The following SGO2 variants were observed in gnomAD, a reference collection of about 807,000 sequenced individuals.
SGO2 encodes the protein shugoshin-like 2.
SGO2 carries 68 observed loss-of-function variants against 99.5 expected under a neutral mutation model. The ratio of observed to expected loss-of-function variants is 0.68; its 90% confidence interval spans 0.56 to 0.84. The LOEUF is 0.84. Ranked by LOEUF, SGO2 falls within the 40% of genes least tolerant of loss-of-function variation. SGO2 has a pLI of 0.00. For synonymous variants in SGO2, 457 were observed against 487.1 expected, an observed-to-expected ratio of 0.94 and a Z score of 0.81; for missense variants, 1,350 against 1,436.7, an observed-to-expected ratio of 0.94 and a Z score of 0.97.
At position 200,542,632 on chromosome 2, in the gene SGO2, A is replaced by T. The variant is rs1436045771; in HGVS notation, c.441A>T (p.Lys147Asn). 2 of 1,613,096 alleles carry T rather than the reference A, an allele frequency of 1.2e-6. No individual in the cohort carries two copies. The highest frequency in any genetic ancestry group is 1.6e-4 in the Middle Eastern group (1 of 6,080). The change falls in exon 5 of 9, where the codon AAA becomes AAT. Residue 147 changes from lysine to asparagine, a missense_variant. By Grantham distance (94) the Lys-to-Asn change is moderately conservative. Transcript: ENST00000357799. ...LSASKKKRIS[K>N]QCKLMRLPFA... ...CTAGCAAGAAGAAACGAATTAGTAA[A>T]CAGTGCAAGTTGATGCGTCTTCCAT...
At chr2:200,531,615 A>G (rs1027829712) in intron 1 of SGO2, among the ~76,000 whole-genome samples, 5 of 152,218 alleles carry the variant, frequency 3.3e-5, no homozygotes, top group Admixed American at 1.3e-4. Context: ...AGAGGACCTC[A>G]TGAGTCTGGC....
intron 4 of SGO2, among the ~76,000 whole-genome samples, chr2:200,538,737 A>G (rs1437885687): frequency 2.6e-5 from 4 of 152,208 alleles, no homozygotes; most frequent in Non-Finnish European, 4.4e-5. Flanking sequence ...AAATAATGCT[A>G]AGTAATGTAA....
At chr2:200,579,064 CA>C (rs2033755623) in intron 8 of SGO2, among the ~76,000 whole-genome samples, 1 of 152,140 alleles carries the variant, frequency 6.6e-6, no homozygotes, top group South Asian at 2.1e-4. Context: ...AAAATGTCTC[CA>C]TATGTTGCAA....
chr2:200,527,379 C>T (rs988222078), intron 1 of SGO2, among the ~76,000 whole-genome samples: 1 of 152,136 alleles, frequency 6.6e-6, no homozygotes, highest in African/African-American at 2.4e-5. Flanking sequence ...GTTAGGATCC[C>T]TTTCAGGTGT....
intron 5 of SGO2, among the ~76,000 whole-genome samples, chr2:200,566,738 G>A (rs753688002): frequency 2.6e-5 from 4 of 152,136 alleles, no homozygotes; most frequent in Admixed American, 6.5e-5. Flanking sequence ...CTTCCTAGCC[G>A]CTTTGTTTAC....
At position 200,572,434 on chromosome 2, in the gene SGO2, C is replaced by T. The variant is rs770710603; in HGVS notation, c.2088C>T (p.Thr696=). The change falls in exon 7 of 9, where the codon ACC becomes ACT. Residue 696 remains threonine, a synonymous_variant. Transcript: ENST00000357799. ...TGTTGGGTTTGCAAAAGCAGATCACCAATATGTACCCCGTTCAGCAAAATG... is the reference window on the plus strand; with the variant it reads ...TGTTGGGTTTGCAAAAGCAGATCACTAATATGTACCCCGTTCAGCAAAATG... ...QNVLGLQKQI[T]NMYPVQQNES... is the part of the protein sequence containing the mutation. 1 of 1,613,342 alleles carries T rather than the reference C, an allele frequency of 6.2e-7. No individual in the cohort carries two copies. The highest frequency in any genetic ancestry group is 8.5e-7 in the Non-Finnish European group (1 of 1,179,554).
At position 200,577,787 on chromosome 2, in the gene SGO2, G is replaced by T. The variant is rs369959178; in HGVS notation, c.3782+2326G>T. On this transcript the variant is annotated intron_variant, in intron 8 of 8. Coordinates refer to ENST00000357799, the MANE Select transcript of SGO2 (RefSeq NM_152524.6). ...GATATTTTCTCATGATTGCAATGCA[G>T]TTGTGCTTTTTTGGCAAATATTTCA... Among the ~76,000 whole-genome samples the T allele has an allele frequency of 9.7e-4, 147 of 151,890 alleles. 1 individual carries two copies. Among genetic ancestry groups the T allele is most frequent in the African/African-American group, 3.5e-3 (144 of 41,408 alleles).
intron 5 of SGO2, among the ~76,000 whole-genome samples, chr2:200,561,028 T>C (rs537493750): frequency 1.2e-4 from 18 of 152,326 alleles, no homozygotes; most frequent in Admixed American, 2.6e-4. Flanking sequence ...AAGTTACTTA[T>C]ACTATGCTTT....
intron 1 of SGO2, among the ~76,000 whole-genome samples, chr2:200,530,953 A>G (rs1235320403): frequency 6.6e-6 from 1 of 152,234 alleles, no homozygotes; most frequent in African/African-American, 2.4e-5. Flanking sequence ...AAAGATCTGC[A>G]GAGAATTGGA....
At chr2:200,565,864 A>T (rs1312251897) in intron 5 of SGO2, among the ~76,000 whole-genome samples, 4 of 152,158 alleles carry the variant, frequency 2.6e-5, no homozygotes, top group Non-Finnish European at 5.9e-5. Flanking sequence ...TCAGCTACTG[A>T]AGCTTGTGCA....
chr2:200,575,453 C>A lies in SGO2; in HGVS notation c.3774C>A (p.Ser1258Arg). The A allele has an allele frequency of 6.3e-7, 1 of 1,576,344 alleles. No homozygotes were observed. The highest frequency in any genetic ancestry group is 8.6e-7 in the Non-Finnish European group (1 of 1,158,276). The change falls in exon 8 of 9, where the codon AGC (serine) becomes AGA (arginine). Residue 1258 changes from serine (S) to arginine (R), a missense_variant. By Grantham distance (110) the Ser-to-Arg change is moderately radical. Transcript: ENST00000357799. ...RCTPFYFKEP[S>R]LRDKMRR ...CTCCTTTCTATTTTAAAGAGCCAAG[C>A]CTCAGAGAGTAAGTATTTCAAATGA...
chr2:200,572,403 A>G lies in SGO2; in HGVS notation c.2057A>G (p.Gln686Arg). 6.2e-7 allele frequency: 1 copy of G among 1,613,640 alleles called. No homozygotes were observed. The highest frequency in any genetic ancestry group is 1.1e-5 in the South Asian group (1 of 91,056). The part of the protein sequence containing the change: ...DNENQCDYRT[Q>R]NVLGLQKQIT... The stretch of plus-strand genomic sequence containing the variant: ...GAAAATCAATGTGACTATAGGACCC[A>G]GAATGTGTTGGGTTTGCAAAAGCAG... The change falls in exon 7 of 9, where the codon CAG becomes CGG. Residue 686 changes from glutamine to arginine, a missense_variant. Gln to Arg is a conservative substitution (Grantham distance 43). Coordinates refer to ENST00000357799, the MANE Select transcript of SGO2 (RefSeq NM_152524.6).
At position 200,575,857 on chromosome 2, in the gene SGO2, C is replaced by T. The variant is rs569722064; in HGVS notation, c.3782+396C>T. ...TGTGTCCTTTACTCTCAAAGAATAA[C>T]AGTCCTTTCTCTTTATTTTTGTAAA... On this transcript the variant is annotated intron_variant, in intron 8 of 8. Coordinates refer to ENST00000357799, the MANE Select transcript of SGO2 (RefSeq NM_152524.6). Among the ~76,000 whole-genome samples, 7 of 152,298 alleles carry T rather than the reference C, an allele frequency of 4.6e-5. No individual in the cohort carries two copies. The East Asian group carries it at 1.3e-3, about 29-fold the overall frequency.
At position 200,573,972 on chromosome 2, in the gene SGO2, G is replaced by A. The variant is rs761268166; in HGVS notation, c.3626G>A (p.Gly1209Glu). 4 of 1,574,002 alleles carry A rather than the reference G, an allele frequency of 2.5e-6. No homozygotes were observed. The South Asian group carries it at 3.6e-5, about 14-fold the overall frequency. Reference protein sequence around the residue: ...FKVNRRTQKSGIGDRPLQDLS... With the variant: ...FKVNRRTQKSEIGDRPLQDLS... The stretch of plus-strand genomic sequence containing the variant: ...GTCAACCGGAGAACCCAAAAATCAG[G>A]AATAGGTAGGTTAATAACCATTATG... The change falls in exon 7 of 9, where the codon GGA becomes GAA. Residue 1209 changes from glycine (G) to glutamate (E), a missense_variant. Gly to Glu is a moderately conservative substitution (Grantham distance 98, BLOSUM62 -2). Coordinates refer to ENST00000357799, the MANE Select transcript of SGO2 (RefSeq NM_152524.6).
rs2033503805 is a variant in SGO2, at chr2:200,572,933, C to G, written c.2587C>G (p.Gln863Glu). The change falls in exon 7 of 9, where the codon CAA becomes GAA. Residue 863 changes from glutamine to glutamate, a missense_variant. By Grantham distance (29) the Gln-to-Glu change is conservative. Coordinates refer to ENST00000357799, the MANE Select transcript of SGO2 (RefSeq NM_152524.6). ...SENLQVTNEF[Q>E]TVDLLIKDNG... Reference sequence around the variant, plus strand: ...AAATCTACAAGTCACAAATGAATTTCAAACAGTTGATCTTCTCATCAAAGA... The same window carrying G: ...AAATCTACAAGTCACAAATGAATTTGAAACAGTTGATCTTCTCATCAAAGA... The G allele has an allele frequency of 6.3e-7, 1 of 1,598,122 alleles. No individual in the cohort carries two copies. The highest frequency in any genetic ancestry group is 1.4e-5 in the African/African-American group (1 of 73,962).
intron 5 of SGO2, among the ~76,000 whole-genome samples, chr2:200,562,873 G>A (rs977064640): frequency 2.0e-5 from 3 of 152,280 alleles, no homozygotes; most frequent in African/African-American, 4.8e-5. Context: ...TGTTATTGGT[G>A]TATAGGAATG....
chr2:200,534,513 C>A (rs1574834793), intron 2 of SGO2, among the ~76,000 whole-genome samples: 1 of 152,164 alleles, frequency 6.6e-6, no homozygotes, highest in East Asian at 1.9e-4. Context: ...TAAAAATGGG[C>A]GTTGGGAGTA....
rs1283664526 is a variant in SGO2 at position 200,573,087 on chromosome 2, CAG to C, written c.2743_2744del (p.Glu915AsnfsTer4). ...CTCAGGAATAAAGTGAATTGGAAGA[CAG>C]AAATAATTTCTGAAATGAACCAGAT... On this transcript the variant is annotated frameshift_variant, in exon 7 of 9. Coordinates refer to ENST00000357799, the MANE Select transcript of SGO2 (RefSeq NM_152524.6). LOFTEE classifies it high-confidence loss of function. 3 of 1,576,436 alleles carry C rather than the reference CAG, an allele frequency of 1.9e-6. No homozygotes were observed. The highest frequency in any genetic ancestry group is 2.3e-5 in the East Asian group (1 of 44,274).
chr2:200,558,322 T>G (rs1387182242), intron 5 of SGO2, among the ~76,000 whole-genome samples: 1 of 152,228 alleles, frequency 6.6e-6, no homozygotes, highest in African/African-American at 2.4e-5. Flanking sequence ...ACTTTCAGTT[T>G]GCTGAGAGTT....
Sources: gnomAD v4.1 joint callset for allele counts (sites outside exome capture counted in the v4.1 genomes callset) on GRCh38, gnomAD v4.1.1 for gene constraint, MANE v1.5 for transcripts, NCBI Gene and HGNC (gene_info 2026-07-23, HGNC 2026-07-21) for gene names.